Variants in TTC17 observed in about 807,000 individuals in gnomAD.
TTC17 encodes the protein tetratricopeptide repeat protein 17.
Under a neutral mutation model 143.8 loss-of-function variants are expected in TTC17, and 58 were observed. That is an observed-to-expected ratio of 0.40 (90% CI 0.33 to 0.50). TTC17 has a LOEUF of 0.50. TTC17 is among the 20% of genes least tolerant of loss of function. The pLI is 0.49. For missense variants in TTC17, 1,273 were observed against 1,392.5 expected (o/e 0.91, Z 1.37); for synonymous variants, 501 against 497.8 (o/e 1.01, Z -0.09).
intron 21 of TTC17, among the ~76,000 whole-genome samples, chr11:43,482,533 A>G (rs966757198): frequency 1.3e-5 from 2 of 152,104 alleles, no homozygotes; most frequent in Non-Finnish European, 2.9e-5. Context: ...ACTCCATTGT[A>G]GTAAATGAAC....
chr11:43,487,026 G>A (rs1590510401), intron 21 of TTC17, among the ~76,000 whole-genome samples: 1 of 152,176 alleles, frequency 6.6e-6, no homozygotes, highest in South Asian at 2.1e-4. Context: ...TCCAGCCTGG[G>A]AGACAGAGCA....
At chr11:43,451,396 A>C in intron 21 of TTC17, 131 bp downstream of exon 21, 1 of 730,970 alleles carries the variant, frequency 1.4e-6, no homozygotes, top group Non-Finnish European at 2.3e-6. Context: ...GGATAATGTG[A>C]AATAACTCCC....
At chr11:43,414,877 T>C in intron 16 of TTC17, 101 bp downstream of exon 16, 1 of 1,288,258 alleles carries the variant, frequency 7.8e-7, no homozygotes, top group Non-Finnish European at 1.1e-6. Flanking sequence ...TACCCAAGGA[T>C]TTTAGATAAC....
intron 16 of TTC17, chr11:43,436,258 T>A (rs1227937382): frequency 2.7e-6 from 4 of 1,463,388 alleles, no homozygotes; most frequent in Non-Finnish European, 3.6e-6. Flanking sequence ...AAGAGCCCTC[T>A]GAGAGAGGAA....
chr11:43,367,062 C>T (rs1419158560), intron 1 of TTC17, among the ~76,000 whole-genome samples: 1 of 152,186 alleles, frequency 6.6e-6, no homozygotes, highest in Admixed American at 6.5e-5. Context: ...GTTGGGCCTA[C>T]CTACTTAGGT....
intron 1 of TTC17, among the ~76,000 whole-genome samples, chr11:43,359,787 G>C (rs565557523): frequency 6.6e-6 from 1 of 152,204 alleles, no homozygotes; most frequent in African/African-American, 2.4e-5. Flanking sequence ...ACTTTGCTTT[G>C]TTTCTTTACC....
At chr11:43,487,617 A>G (rs2134483895) in intron 21 of TTC17, among the ~76,000 whole-genome samples, 1 of 152,374 alleles carries the variant, frequency 6.6e-6, no homozygotes, top group South Asian at 2.1e-4. Flanking sequence ...CTGTGGTTTT[A>G]AATCCAACCA....
At chr11:43,407,965 T>C (rs1334196328) in intron 15 of TTC17, among the ~76,000 whole-genome samples, 1 of 152,200 alleles carries the variant, frequency 6.6e-6, no homozygotes, top group Non-Finnish European at 1.5e-5. Context: ...GAAATATTTA[T>C]ACCCTTCAAG....
At chr11:43,434,851 A>G (rs1375594637) in intron 16 of TTC17, among the ~76,000 whole-genome samples, 1 of 152,232 alleles carries the variant, frequency 6.6e-6, no homozygotes, top group Non-Finnish European at 1.5e-5. Flanking sequence ...AAAGTGGAAA[A>G]TGGAAAATGA....
intron 22 of TTC17, 31 bp from the exon 23 acceptor site, chr11:43,491,989 T>G (rs924944538): frequency 6.2e-7 from 1 of 1,608,888 alleles, no homozygotes; most frequent in Non-Finnish European, 8.5e-7. Flanking sequence ...AACCCAATTT[T>G]CCCTTCTCAC....
At chr11:43,403,871 T>A (rs938960147) in intron 10 of TTC17, 127 bp from the exon 11 acceptor site, 1 of 739,538 alleles carries the variant, frequency 1.4e-6, no homozygotes. Flanking sequence ...AATTGCTTTA[T>A]TACTGAGCTA....
chr11:43,371,154 A>G (rs1856555734), intron 1 of TTC17, among the ~76,000 whole-genome samples: 1 of 152,154 alleles, frequency 6.6e-6, no homozygotes. Context: ...AAAACATCTC[A>G]GTTTCTCCCA....
rs540263840 is a variant in TTC17, at chr11:43,464,763, A to G, written c.3030+13498A>G. 3.3e-5 allele frequency among the ~76,000 whole-genome samples: 5 copies of G among 152,298 alleles called. No homozygotes were observed. The East Asian group carries it at 9.6e-4, about 29-fold the overall frequency. On this transcript the variant is annotated intron_variant, in intron 21 of 23. Coordinates refer to ENST00000039989, the MANE Select transcript of TTC17 (RefSeq NM_018259.6). ...TTTTTTAAAGAGAGAATGATCTGCT[A>G]CAATACAGGAGGCTGATCTGGGCAG...
rs571067726 is a variant in TTC17 at position 43,456,039 on chromosome 11, A to G, written c.3030+4774A>G. 9.2e-4 allele frequency among the ~76,000 whole-genome samples: 140 copies of G among 152,318 alleles called. 2 individuals are homozygous for G. In the South Asian group the frequency reaches 0.027, roughly 30 times the overall value. Reference sequence around the variant, plus strand: ...TCTAGGAATACTGAATTGATTTACTATTTGGAAACCGTTAATATCCTTCAT... The same window carrying G: ...TCTAGGAATACTGAATTGATTTACTGTTTGGAAACCGTTAATATCCTTCAT... On this transcript the variant is annotated intron_variant, in intron 21 of 23. Coordinates refer to ENST00000039989, the MANE Select transcript of TTC17 (RefSeq NM_018259.6).
chr11:43,359,364 G>A (rs2134416170), intron 1 of TTC17: 1 of 449,698 alleles, frequency 2.2e-6, no homozygotes, highest in Non-Finnish European at 3.8e-6. Context: ...CGCCGCGTGG[G>A]GAAGAGTCGC....
intron 21 of TTC17, among the ~76,000 whole-genome samples, chr11:43,451,811 ATC>A (rs1462038443): frequency 6.6e-6 from 1 of 152,210 alleles, no homozygotes; most frequent in Non-Finnish European, 1.5e-5. Flanking sequence ...ATGGCTAAGA[ATC>A]TCTCTACTTT....
chr11:43,435,062 TAC>T (rs1345157551), intron 16 of TTC17: 1 of 149,396 alleles, frequency 6.7e-6, no homozygotes, highest in East Asian at 2.0e-4. Flanking sequence ...GGTGAATCTG[TAC>T]ACACAGATAA....
chr11:43,414,844 A>G, intron 16 of TTC17, 68 bp downstream of exon 16: 1 of 1,503,400 alleles, frequency 6.7e-7, no homozygotes, highest in South Asian at 1.2e-5. Flanking sequence ...TCAAAAGAAC[A>G]CAGAAAATGA....
chr11:43,414,730 G>T lies in TTC17; in HGVS notation c.2205G>T (p.Met735Ile). ...ACAGCCTGAAGTTGATCCGCTGTAT[G>T]CAGTTTTATCCTTTTCTGTACAACA... ...CENSLKLIRCMQFYPFLYNIT... is the reference protein window; with the variant it reads ...CENSLKLIRCIQFYPFLYNIT... Residue 735 changes from methionine (M) to isoleucine (I), a missense_variant, in exon 16 of 24, where the codon ATG becomes ATT. Met to Ile is a conservative substitution (Grantham distance 10). Around this residue, in one of 3 missense-constraint regions of TTC17, gnomAD observed 878 missense variants for 899.8 expected, o/e 0.98. Coordinates refer to ENST00000039989, the MANE Select transcript of TTC17 (RefSeq NM_018259.6). The T allele has an allele frequency of 1.2e-6, 2 of 1,613,662 alleles. No homozygotes were observed. The highest frequency in any genetic ancestry group is 1.7e-6 in the Non-Finnish European group (2 of 1,179,754).
Sources: gnomAD v4.1 joint callset for allele counts (sites outside exome capture counted in the v4.1 genomes callset) on GRCh38, gnomAD v4.1.1 for gene constraint, gnomAD v4.1.1 regional missense constraint, MANE v1.5 for transcripts, NCBI Gene and HGNC (gene_info 2026-07-23, HGNC 2026-07-21) for gene names.